Variants in DPP4 observed in about 807,000 individuals in gnomAD.
The protein encoded by DPP4 is dipeptidyl peptidase 4.
A neutral mutation model predicts 122.4 loss-of-function variants in DPP4; 93 were observed. The ratio of observed to expected loss-of-function variants is 0.76; its 90% CI spans 0.64 to 0.90. The LOEUF is 0.90. Among genes scored for constraint, DPP4 ranks in the 40% least tolerant of loss-of-function variants. DPP4 has a pLI of 0.00. For missense variants in DPP4, 914 were observed against 907.3 expected, an observed-to-expected ratio of 1.01 and a Z score of -0.09; for synonymous variants, 321 against 302.9, an observed-to-expected ratio of 1.06 and a Z score of -0.62.
chr2:162,002,397 C>A (rs1452969330), intron 23 of DPP4, among the ~76,000 whole-genome samples: 1 of 152,116 alleles, frequency 6.6e-6, no homozygotes, highest in Non-Finnish European at 1.5e-5. Context: ...CATTTTCTTC[C>A]AAAGGCTGTA....
intron 19 of DPP4, among the ~76,000 whole-genome samples, chr2:162,013,526 C>CT (rs1440430838): frequency 2.0e-5 from 3 of 151,440 alleles, no homozygotes; most frequent in Non-Finnish European, 2.9e-5. Flanking sequence ...CCTCTCCCCA[C>CT]TTTTTTTTTC....
intron 22 of DPP4, among the ~76,000 whole-genome samples, chr2:162,006,498 T>C (rs369518119): frequency 6.6e-5 from 10 of 152,284 alleles, no homozygotes; most frequent in African/African-American, 2.2e-4. Context: ...ATTTGTTTTC[T>C]CTCATTTTGT....
chr2:162,007,296 G>T (rs753799247), intron 22 of DPP4, among the ~76,000 whole-genome samples: 1 of 152,026 alleles, frequency 6.6e-6, no homozygotes, highest in Non-Finnish European at 1.5e-5. Context: ...TTTTCCCCTA[G>T]GTAGCTGCAG....
intron 23 of DPP4, among the ~76,000 whole-genome samples, chr2:162,005,227 C>G (rs1488690041): frequency 6.6e-6 from 1 of 152,172 alleles, no homozygotes; most frequent in Non-Finnish European, 1.5e-5. Flanking sequence ...CTGTTGGATG[C>G]TATTCAGTGA....
At chr2:162,012,084 C>T in intron 19 of DPP4, 97 bp from the exon 20 acceptor site, 1 of 1,255,046 alleles carries the variant, frequency 8.0e-7, no homozygotes, top group Non-Finnish European at 1.1e-6. Context: ...TGCATCCTTC[C>T]CAATCATGAG....
intron 25 of DPP4, among the ~76,000 whole-genome samples, chr2:161,994,357 T>G (rs1475044302): frequency 6.6e-6 from 1 of 152,220 alleles, no homozygotes; most frequent in Non-Finnish European, 1.5e-5. Flanking sequence ...ACGTTTTCCT[T>G]CATCTGAAAA....
chr2:162,043,193 T>C (rs1044228390), intron 5 of DPP4, among the ~76,000 whole-genome samples: 3 of 152,114 alleles, frequency 2.0e-5, no homozygotes, highest in Non-Finnish European at 4.4e-5. Flanking sequence ...CAAAAGCTCC[T>C]CAAGTGATCC....
At chr2:162,020,143 G>T in intron 14 of DPP4, 86 bp downstream of exon 14, 5 of 1,118,800 alleles carry the variant, frequency 4.5e-6, no homozygotes, top group Non-Finnish European at 6.6e-6. Context: ...CTCTTTATTT[G>T]TAGGAGATTT....
chr2:162,022,886 T>C, intron 11 of DPP4, 87 bp from the exon 12 acceptor site: 17 of 1,326,700 alleles, frequency 1.3e-5, no homozygotes, highest in Non-Finnish European at 1.7e-5. Flanking sequence ...TAAATAGAGC[T>C]GTACTTATAA....
At chr2:162,027,100 A>G (rs1159121214) in intron 10 of DPP4, among the ~76,000 whole-genome samples, 1 of 152,134 alleles carries the variant, frequency 6.6e-6, no homozygotes, top group East Asian at 1.9e-4. Flanking sequence ...TTTGTTCCCA[A>G]CCACTTAAAA....
At chr2:162,008,440 T>A in intron 22 of DPP4, 122 bp downstream of exon 22, 1 of 780,994 alleles carries the variant, frequency 1.3e-6, no homozygotes, top group Admixed American at 2.2e-5. Flanking sequence ...AAAAAGAACC[T>A]CTAAGATGAA....
intron 20 of DPP4, among the ~76,000 whole-genome samples, chr2:162,011,499 A>G (rs552424282): frequency 6.6e-6 from 1 of 152,214 alleles, no homozygotes; most frequent in African/African-American, 2.4e-5. Context: ...CCCGAGTCTG[A>G]TGAATTTTGA....
chr2:162,071,532 C>A (rs1303677145), intron 2 of DPP4, among the ~76,000 whole-genome samples: 2 of 152,164 alleles, frequency 1.3e-5, no homozygotes, highest in Non-Finnish European at 2.9e-5. Context: ...GTCCCAGCTA[C>A]TCGGGAGGCT....
rs1161002813 is a variant in DPP4 at position 162,011,850 on chromosome 2, T to C, written c.1775A>G (p.His592Arg). The C allele has an allele frequency of 6.2e-7, 1 of 1,613,798 alleles. No individual in the cohort carries two copies. The highest frequency in any genetic ancestry group is 1.3e-5 in the African/African-American group (1 of 75,020). Reference protein sequence around the residue: ...GSGYQGDKIMHAINRRLGTFE... With the variant: ...GSGYQGDKIMRAINRRLGTFE... ...TGTTCCCAGTCTTCTGTTGATTGCATGCATGATCTTATCTCCTTGGTAACC... is the reference window on the plus strand; with the variant it reads ...TGTTCCCAGTCTTCTGTTGATTGCACGCATGATCTTATCTCCTTGGTAACC... Residue 592 changes from histidine to arginine, a missense_variant, in exon 20 of 26, where the codon CAT becomes CGT. Coordinates refer to ENST00000360534, the MANE Select transcript of DPP4 (RefSeq NM_001935.4).
At chr2:162,053,465 A>T (rs1325472731) in intron 2 of DPP4, among the ~76,000 whole-genome samples, 2 of 152,232 alleles carry the variant, frequency 1.3e-5, no homozygotes, top group Non-Finnish European at 2.9e-5. Context: ...ATGTTTTAAG[A>T]AAGTTTACAA....
intron 23 of DPP4, 95 bp downstream of exon 23, chr2:162,005,650 T>A (rs1487760669): frequency 8.8e-7 from 1 of 1,141,250 alleles, no homozygotes. Flanking sequence ...TTGTTGGAAA[T>A]AAAAATATGT....
rs947706219 is a variant in DPP4, at chr2:162,047,141, T to C, written c.194-135A>G. The C allele has an allele frequency of 2.5e-4, 144 of 565,706 alleles. No homozygotes were observed. In the East Asian group the frequency reaches 4.0e-3, roughly 16 times the overall value. The allele number at this position is 565,706 out of a possible 1,614,324, so 35.0% of individuals were successfully genotyped here. A position where few individuals can be genotyped will look rare whatever the true frequency, so the allele number is the denominator to read the frequency against. The stretch of plus-strand genomic sequence containing the variant: ...TAAGTTGAGAAAACATGAATGATAT[T>C]ATACTAACATTCATTCATTTTTTCA... On this transcript the variant is annotated intron_variant, in intron 3 of 25. Transcript: ENST00000360534.
chr2:162,024,690 AAAG>A, intron 11 of DPP4, 111 bp downstream of exon 11: 2 of 1,386,930 alleles, frequency 1.4e-6, no homozygotes, highest in Non-Finnish European at 1.9e-6. Context: ...ACAGAGTCAG[AAAG>A]AAGAGAAACT....
intron 10 of DPP4, among the ~76,000 whole-genome samples, chr2:162,033,216 T>C (rs1462709914): frequency 6.6e-6 from 1 of 152,166 alleles, no homozygotes; most frequent in Non-Finnish European, 1.5e-5. Flanking sequence ...TCTGCTCAGG[T>C]TTTCTTCACC....
Sources: allele counts gnomAD v4.1 joint callset (sites outside exome capture counted in the v4.1 genomes callset), GRCh38; gene constraint gnomAD v4.1.1; transcripts MANE v1.5; gene names NCBI Gene and HGNC (gene_info 2026-07-23, HGNC 2026-07-21).